Variants in UTP25 observed in about 807,000 individuals in gnomAD.
The protein encoded by UTP25 is UTP25 small subunit processome component.
A neutral mutation model predicts 78.9 loss-of-function variants in UTP25; 50 were observed. That is an observed-to-expected ratio of 0.63 (90% CI 0.50 to 0.80). The LOEUF (loss-of-function observed/expected upper bound fraction) is 0.80. Among genes scored for constraint, UTP25 ranks in the 30% least tolerant of loss-of-function variants. The pLI, the probability that UTP25 is intolerant of heterozygous loss-of-function variation, is 0.00. For missense variants in UTP25, 846 were observed against 911.3 expected, an observed-to-expected ratio of 0.93 and a Z score of 0.92; for synonymous variants, 329 against 336.5, an observed-to-expected ratio of 0.98 and a Z score of 0.24.
intron 11 of UTP25, among the ~76,000 whole-genome samples, chr1:209,848,151 A>G (rs949887599): frequency 6.6e-6 from 1 of 152,180 alleles, no homozygotes; most frequent in African/African-American, 2.4e-5. Flanking sequence ...GACCAAACCT[A>G]AGTATTAATA....
intron 6 of UTP25, 89 bp from the exon 7 acceptor site, chr1:209,838,820 G>A: frequency 7.0e-7 from 1 of 1,428,930 alleles, no homozygotes; most frequent in Non-Finnish European, 9.9e-7. Flanking sequence ...TCTACATGGA[G>A]CTTTTTAGCT....
rs2078238427 is a variant in UTP25 at position 209,851,510 on chromosome 1, G to T, written c.*63G>T. ...ATAATGTTTGATTCTATGCCATTTG[G>T]ACCCAATTCTGATTACTTACAGAAG... On this transcript the variant is annotated 3_prime_UTR_variant, in exon 12 of 12. Transcript: ENST00000491415. 1.3e-6 allele frequency: 2 copies of T among 1,519,124 alleles called. No individual in the cohort carries two copies. Among genetic ancestry groups the T allele is most frequent in the Non-Finnish European group, 1.8e-6 (2 of 1,134,058 alleles). The allele number at this position is 1,519,124 out of a possible 1,614,324, so 94.1% of individuals were successfully genotyped here.
At chr1:209,840,776 G>A (rs576969161) in intron 7 of UTP25, 77 bp from the exon 8 acceptor site, 8 of 1,387,610 alleles carry the variant, frequency 5.8e-6, no homozygotes, top group Non-Finnish European at 8.2e-6. Flanking sequence ...TAGAAGTGGT[G>A]GACTGCTTTG....
chr1:209,836,130 A>T (rs553721871), intron 5 of UTP25, among the ~76,000 whole-genome samples: 13 of 152,134 alleles, frequency 8.5e-5, no homozygotes, highest in Non-Finnish European at 1.9e-4. Flanking sequence ...TAAATGACTC[A>T]TACAGCATGT....
At chr1:209,843,770 C>T in intron 11 of UTP25, 74 bp downstream of exon 11, 2 of 1,533,624 alleles carry the variant, frequency 1.3e-6, no homozygotes, top group African/African-American at 1.4e-5. Context: ...GCTCTGAATG[C>T]ATGGCAGGCT....
chr1:209,844,964 G>A (rs1435727071), intron 11 of UTP25, among the ~76,000 whole-genome samples: 1 of 152,176 alleles, frequency 6.6e-6, no homozygotes, highest in Non-Finnish European at 1.5e-5. Context: ...CTCACAATGG[G>A]TGCATTTTCT....
chr1:209,845,468 A>T (rs2102579764), intron 11 of UTP25, among the ~76,000 whole-genome samples: 1 of 152,328 alleles, frequency 6.6e-6, no homozygotes, highest in Non-Finnish European at 1.5e-5. Context: ...GGCAACTGTG[A>T]ATTAAGCTGG....
chr1:209,832,527 T>A (rs1010151392), intron 3 of UTP25, among the ~76,000 whole-genome samples: 1 of 152,224 alleles, frequency 6.6e-6, no homozygotes, highest in Non-Finnish European at 1.5e-5. Flanking sequence ...TTAGAATAAG[T>A]TCCTAGAACT....
At position 209,857,533 on chromosome 1, in the gene UTP25, T is replaced by C. The variant is rs1050820026; in HGVS notation, c.*6086T>C. The C allele has an allele frequency of 1.3e-5, 2 of 152,222 alleles. No homozygotes were observed. Among genetic ancestry groups the C allele is most frequent in the Admixed American group, 1.3e-4 (2 of 15,288 alleles). The allele number at this position is 152,222 out of a possible 1,614,324, so 9.4% of individuals were successfully genotyped here. A position where few individuals can be genotyped will look rare whatever the true frequency, so the allele number is the denominator to read the frequency against. On this transcript the variant is annotated 3_prime_UTR_variant, in exon 12 of 12. Coordinates refer to ENST00000491415, the MANE Select transcript of UTP25 (RefSeq NM_014388.7). ...AACAATGTGTGTGTATGTATATATATGCTTTTGCATTAAAAGGTGGTTTTG... is the reference window on the plus strand; with the variant it reads ...AACAATGTGTGTGTATGTATATATACGCTTTTGCATTAAAAGGTGGTTTTG...
rs141256304 is a variant in UTP25 at position 209,836,832 on chromosome 1, C to G, written c.683C>G (p.Ser228Cys). 32 of 1,609,550 alleles carry G rather than the reference C, an allele frequency of 2.0e-5. No individual in the cohort carries two copies. Among genetic ancestry groups the G allele is most frequent in the South Asian group, 1.3e-4 (12 of 90,378 alleles). ...WPILGQLFFS[S>C]KFQKLETFKP... Reference sequence around the variant, plus strand: ...ATTCTGGGCCAGCTTTTCTTTTCCTCTAAGTTTCAGAAGTTGGAAACATTT... The same window carrying G: ...ATTCTGGGCCAGCTTTTCTTTTCCTGTAAGTTTCAGAAGTTGGAAACATTT... The change falls in exon 6 of 12, where the codon TCT (serine) becomes TGT (cysteine). Residue 228 changes from serine (S) to cysteine (C), a missense_variant. Ser to Cys is a moderately radical substitution (Grantham distance 112). Coordinates refer to ENST00000491415, the MANE Select transcript of UTP25 (RefSeq NM_014388.7).
rs2078277363 is a variant in UTP25 at position 209,856,529 on chromosome 1, G to C, written c.*5082G>C. Reference sequence around the variant, plus strand: ...GTGGTGAAGAAAGGAGCTTGGTTCTGCAAGGATGTTGTAGAGCTGCCATAC... The same window carrying C: ...GTGGTGAAGAAAGGAGCTTGGTTCTCCAAGGATGTTGTAGAGCTGCCATAC... On this transcript the variant is annotated 3_prime_UTR_variant, in exon 12 of 12. Transcript: ENST00000491415. 6.6e-6 allele frequency: 1 copy of C among 152,250 alleles called. No individual in the cohort carries two copies. Among genetic ancestry groups the C allele is most frequent in the African/African-American group, 2.4e-5 (1 of 41,458 alleles). The allele number at this position is 152,250 out of a possible 1,614,324, so 9.4% of individuals were successfully genotyped here.
intron 3 of UTP25, among the ~76,000 whole-genome samples, chr1:209,831,930 G>A (rs991150474): frequency 6.6e-6 from 1 of 151,574 alleles, no homozygotes; most frequent in East Asian, 1.9e-4. Flanking sequence ...GCATTCCATT[G>A]TCTGAATATA....
chr1:209,840,792 G>A, intron 7 of UTP25, 61 bp from the exon 8 acceptor site: 1 of 1,538,792 alleles, frequency 6.5e-7, no homozygotes, highest in Non-Finnish European at 9.0e-7. Flanking sequence ...CTTTGAGAGG[G>A]TGGAAGGTAA....
intron 6 of UTP25, 87 bp downstream of exon 6, chr1:209,837,298 T>C (rs931124763): frequency 8.4e-6 from 12 of 1,435,324 alleles, no homozygotes; most frequent in Non-Finnish European, 1.1e-5. Flanking sequence ...GGAACTTGGG[T>C]ATTTTAATAA....
At chr1:209,845,200 A>C (rs1358480253) in intron 11 of UTP25, among the ~76,000 whole-genome samples, 1 of 152,202 alleles carries the variant, frequency 6.6e-6, no homozygotes, top group Non-Finnish European at 1.5e-5. Context: ...GATTGATTAA[A>C]TTTGTGTTTC....
Position 209,842,318 on chromosome 1 carries a change from T to C in UTP25, c.1539T>C (p.Phe513=), listed in dbSNP as rs554007872. ...LLPLDSHGVD[F]SRVRMWSLNN... ...CCCTGGACTCACATGGGGTAGACTTTTCTCGAGTGCGGATGTGGAGCCTCA... is the reference window on the plus strand; with the variant it reads ...CCCTGGACTCACATGGGGTAGACTTCTCTCGAGTGCGGATGTGGAGCCTCA... Residue 513 remains phenylalanine (F), a synonymous_variant, in exon 9 of 12, where the codon TTT becomes TTC. Coordinates refer to ENST00000491415, the MANE Select transcript of UTP25 (RefSeq NM_014388.7). The C allele has an allele frequency of 8.9e-5, 144 of 1,614,086 alleles. 1 individual carries two copies. In the South Asian group the frequency reaches 1.4e-3, roughly 16 times the overall value.
At chr1:209,839,354 G>T (rs1488967334) in intron 7 of UTP25, among the ~76,000 whole-genome samples, 2 of 152,144 alleles carry the variant, frequency 1.3e-5, no homozygotes, top group African/African-American at 4.8e-5. Context: ...ATATATGAAA[G>T]GCACATGTAC....
At chr1:209,832,479 C>T (rs914566986) in intron 3 of UTP25, among the ~76,000 whole-genome samples, 2 of 152,186 alleles carry the variant, frequency 1.3e-5, no homozygotes, top group Non-Finnish European at 2.9e-5. Context: ...TGAACATCCT[C>T]TCATGTACAT....
intron 11 of UTP25, among the ~76,000 whole-genome samples, chr1:209,845,259 G>A (rs1437340373): frequency 6.6e-6 from 1 of 152,204 alleles, no homozygotes; most frequent in Non-Finnish European, 1.5e-5. Context: ...GCCAAAGAGT[G>A]TTAATGAATG....
Sources: allele counts gnomAD v4.1 joint callset (sites outside exome capture counted in the v4.1 genomes callset), GRCh38; gene constraint gnomAD v4.1.1; transcripts MANE v1.5; gene names NCBI Gene and HGNC (gene_info 2026-07-23, HGNC 2026-07-21).